Variants in COL25A1 observed in about 807,000 individuals in gnomAD.
The protein encoded by COL25A1 is collagen alpha-1(XXV) chain.
COL25A1 carries 103 observed loss-of-function variants against 128.4 expected under a neutral mutation model. The ratio of observed to expected loss-of-function variants is 0.80; its 90% CI spans 0.68 to 0.94. The LOEUF (loss-of-function observed/expected upper bound fraction) is 0.94, where lower values mean the gene tolerates loss of function less well. COL25A1 is among the 40% of genes least tolerant of loss of function. The pLI, the probability that COL25A1 is intolerant of heterozygous loss-of-function variation, is 0.00. For missense variants in COL25A1, 745 were observed against 840.0 expected (o/e 0.89, Z 1.40); for synonymous variants, 279 against 277.2 (o/e 1.01, Z -0.06).
At chr4:109,193,666 C>T (rs987488490) in intron 3 of COL25A1, among the ~76,000 whole-genome samples, 4 of 152,158 alleles carry the variant, frequency 2.6e-5, no homozygotes, top group Admixed American at 1.3e-4. Context: ...GCACCAACTT[C>T]GGTCAGAGAC....
At chr4:108,974,244 A>C in intron 8 of COL25A1, 123 bp downstream of exon 8, 1 of 951,470 alleles carries the variant, frequency 1.1e-6, no homozygotes, top group Non-Finnish European at 1.7e-6. Context: ...GTGGTATGGT[A>C]TTTTTGCCAG....
intron 8 of COL25A1, among the ~76,000 whole-genome samples, chr4:108,967,054 T>G (rs564597152): frequency 6.6e-6 from 1 of 152,320 alleles, no homozygotes; most frequent in Non-Finnish European, 1.5e-5. Context: ...ATGGAAAATG[T>G]AGTCTGTAAA....
In COL25A1 at chr4:108,937,836, G is replaced by A. The variant is rs200818856; in HGVS notation, c.680C>T (p.Pro227Leu). The A allele has an allele frequency of 3.7e-6, 6 of 1,606,694 alleles. No homozygotes were observed. The Admixed American group carries it at 1.0e-4, about 27-fold the overall frequency. The change falls in exon 11 of 38, where the codon CCA becomes CTA. Residue 227 changes from proline (P) to leucine (L), a missense_variant. Around this residue, in one of 3 missense-constraint regions of COL25A1, gnomAD observed 319 missense variants for 324.9 expected, o/e 0.98. Coordinates refer to ENST00000399132, the MANE Select transcript of COL25A1 (RefSeq NM_198721.4). Reference protein sequence around the residue: ...PRGMPGVPGEPGKPGEQGLMG... With the variant: ...PRGMPGVPGELGKPGEQGLMG... Reference sequence around the variant, plus strand: ...CAAGCCTTGTTCTCCTGGCTTTCCTGGTTCACCCTTAAAAAAGAATAGTGA... The same window carrying A: ...CAAGCCTTGTTCTCCTGGCTTTCCTAGTTCACCCTTAAAAAAGAATAGTGA...
intron 11 of COL25A1, among the ~76,000 whole-genome samples, 167 bp from the exon 12 acceptor site, chr4:108,920,771 G>A (rs542907534): frequency 6.6e-6 from 1 of 152,058 alleles, no homozygotes; most frequent in African/African-American, 2.4e-5. Context: ...GTTCCAAGTG[G>A]ATCTTTTCTT....
intron 3 of COL25A1, among the ~76,000 whole-genome samples, chr4:109,241,372 G>C (rs975332351): frequency 6.6e-6 from 1 of 151,880 alleles, no homozygotes; most frequent in South Asian, 2.1e-4. Flanking sequence ...AATATGGTTT[G>C]TGTTTTCTAG....
At chr4:109,187,338 A>G (rs1288762520) in intron 3 of COL25A1, among the ~76,000 whole-genome samples, 1 of 152,190 alleles carries the variant, frequency 6.6e-6, no homozygotes, top group Non-Finnish European at 1.5e-5. Context: ...ATGGATGTTC[A>G]GTCATTTGGC....
chr4:108,832,557 A>T, intron 31 of COL25A1, 124 bp from the exon 32 acceptor site: 1 of 636,134 alleles, frequency 1.6e-6, no homozygotes, highest in Non-Finnish European at 2.7e-6. Flanking sequence ...TCTCCTTTCA[A>T]AGTGCTTTAT....
chr4:109,190,291 G>C (rs984399670), intron 3 of COL25A1, among the ~76,000 whole-genome samples: 16 of 152,114 alleles, frequency 1.1e-4, no homozygotes, highest in African/African-American at 3.9e-4. Context: ...AATGAGATGG[G>C]CTCATCACAT....
intron 5 of COL25A1, among the ~76,000 whole-genome samples, chr4:109,027,287 T>C (rs1389163532): frequency 1.3e-5 from 2 of 151,918 alleles, no homozygotes; most frequent in Non-Finnish European, 2.9e-5. Flanking sequence ...GGGGGGGCCT[T>C]GAATGGAAAA....
At chr4:108,938,880 C>T (rs1471302463) in intron 10 of COL25A1, among the ~76,000 whole-genome samples, 1 of 152,076 alleles carries the variant, frequency 6.6e-6, no homozygotes, top group Non-Finnish European at 1.5e-5. Flanking sequence ...CTTTTTCTAG[C>T]AGTCATCATA....
At chr4:109,116,833 G>A (rs1767620220) in intron 3 of COL25A1, among the ~76,000 whole-genome samples, 1 of 151,936 alleles carries the variant, frequency 6.6e-6, no homozygotes, top group South Asian at 2.1e-4. Flanking sequence ...AAAAAGGAGT[G>A]CTAAGGATTT....
Position 108,813,391 on chromosome 4 carries a change from CAT to C in COL25A1, c.*534_*535del, listed in dbSNP as rs1254628104. ...AAAGGACTCCTGATCAACATGCTAG[CAT>C]CTGAAGTTGCACAGCAAGCAGGTTT... On this transcript the variant is annotated 3_prime_UTR_variant, in exon 38 of 38. Transcript: ENST00000399132. 1 of 153,132 alleles carries C rather than the reference CAT, an allele frequency of 6.5e-6. No individual in the cohort carries two copies. Among genetic ancestry groups the C allele is most frequent in the African/African-American group, 2.4e-5 (1 of 41,452 alleles). The allele number at this position is 153,132 out of a possible 1,614,324, so 9.5% of individuals were successfully genotyped here. A position where few individuals can be genotyped will look rare whatever the true frequency, so the allele number is the denominator to read the frequency against.
intron 6 of COL25A1, among the ~76,000 whole-genome samples, chr4:108,981,959 G>A (rs571808407): frequency 6.6e-5 from 10 of 152,148 alleles, no homozygotes; most frequent in Non-Finnish European, 1.3e-4. Flanking sequence ...ACTTTAGGAG[G>A]CTGAGGCAGG....
At position 108,937,965 on chromosome 4, in the gene COL25A1, G is replaced by C. The variant is rs554733971; in HGVS notation, c.673-122C>G. ...CAAATATATTTCTTCAGGTTAAATA[G>C]AGGAATGTAGCACATTAAAAGAGAG... On this transcript the variant is annotated intron_variant, in intron 10 of 37. Transcript: ENST00000399132. 5 of 713,644 alleles carry C rather than the reference G, an allele frequency of 7.0e-6. No individual in the cohort carries two copies. In the East Asian group the frequency reaches 1.1e-4, roughly 15 times the overall value. The allele number at this position is 713,644 out of a possible 1,614,324, so 44.2% of individuals were successfully genotyped here.
At chr4:108,852,051 T>A (rs1735848057) in intron 26 of COL25A1, among the ~76,000 whole-genome samples, 185 bp downstream of exon 26, 1 of 152,116 alleles carries the variant, frequency 6.6e-6, no homozygotes, top group Non-Finnish European at 1.5e-5. Flanking sequence ...TTTTCCCTTC[T>A]TCTTTTCTAA....
intron 35 of COL25A1, among the ~76,000 whole-genome samples, chr4:108,822,167 C>A (rs972816774): frequency 6.6e-6 from 1 of 150,856 alleles, no homozygotes; most frequent in Non-Finnish European, 1.5e-5. Flanking sequence ...CCTCAGCCTC[C>A]TGAGTAGCTG....
rs967089458 is a variant in COL25A1 at position 108,904,091 on chromosome 4, G to C, written c.781-2919C>G. Among the ~76,000 whole-genome samples the C allele has an allele frequency of 3.1e-4, 47 of 152,046 alleles. 3 individuals are homozygous for C. Reference sequence around the variant, plus strand: ...GTTACTGTCCACACTTAGTTTCCCAGGTTCTGTGAAAAGAATATAAACGAT... The same window carrying C: ...GTTACTGTCCACACTTAGTTTCCCACGTTCTGTGAAAAGAATATAAACGAT... On this transcript the variant is annotated intron_variant, in intron 13 of 37. Transcript: ENST00000399132.
chr4:109,153,155 G>A (rs1212728008), intron 3 of COL25A1, among the ~76,000 whole-genome samples: 1 of 152,086 alleles, frequency 6.6e-6, no homozygotes. Context: ...GGAGGCCGAG[G>A]TGGGTGGATC....
intron 5 of COL25A1, among the ~76,000 whole-genome samples, chr4:109,042,081 CT>C (rs200864025): frequency 6.6e-6 from 1 of 151,980 alleles, no homozygotes; most frequent in Non-Finnish European, 1.5e-5. Context: ...AATTTTTTTA[CT>C]TTAACAGCCT....
Sources: allele counts gnomAD v4.1 joint callset (sites outside exome capture counted in the v4.1 genomes callset), GRCh38; gene constraint gnomAD v4.1.1; regional missense constraint gnomAD v4.1.1; transcripts MANE v1.5; gene names NCBI Gene and HGNC (gene_info 2026-07-23, HGNC 2026-07-21).